Variants in CNGB1 observed in about 807,000 individuals in gnomAD.
CNGB1 encodes the protein cyclic nucleotide gated channel subunit beta 1, also known as cyclic nucleotide-gated channel beta-1.
CNGB1 carries 126 observed loss-of-function variants against 151.7 expected under a neutral mutation model. That is an observed-to-expected ratio of 0.83 (90% CI 0.72 to 0.96). The LOEUF is 0.96. CNGB1 is among the 40% of genes least tolerant of loss of function. The pLI, the probability that CNGB1 is intolerant of heterozygous loss-of-function variation, is 0.00. For missense variants in CNGB1, 1,698 were observed against 1,627.0 expected (o/e 1.04, Z -0.75); for synonymous variants, 623 against 635.1 (o/e 0.98, Z 0.29).
At chr16:57,896,445 T>C (rs1487656219) in intron 31 of CNGB1, among the ~76,000 whole-genome samples, 1 of 152,092 alleles carries the variant, frequency 6.6e-6, no homozygotes, top group Admixed American at 6.5e-5. Context: ...CTGGGTGCAA[T>C]GGCTCACGCC....
At chr16:57,967,477 T>A in intron 1 of CNGB1, 183 bp from the exon 2 acceptor site, 3 of 603,902 alleles carry the variant, frequency 5.0e-6, no homozygotes, top group Non-Finnish European at 8.8e-6. Context: ...GCCGATTGCT[T>A]GAATCCAGGA....
chr16:57,929,946 A>T (rs1961301686), intron 17 of CNGB1, among the ~76,000 whole-genome samples: 1 of 152,212 alleles, frequency 6.6e-6, no homozygotes, highest in Non-Finnish European at 1.5e-5. Context: ...TAAATAAATA[A>T]GACAGAAAAT....
At chr16:57,944,825 A>G (rs113762497) in intron 14 of CNGB1, among the ~76,000 whole-genome samples, 15,457 of 151,622 alleles carry the variant, frequency 0.1, 921 homozygotes, top group Non-Finnish European at 0.13. Context: ...ACAGTGGTAC[A>G]TGCCTGTAAT....
Position 57,943,950 on chromosome 16 carries a change from C to T in CNGB1, c.1122-3629G>A, listed in dbSNP as rs144765952. 1.3e-4 allele frequency among the ~76,000 whole-genome samples: 19 copies of T among 151,836 alleles called. No homozygotes were observed. The East Asian group carries it at 2.3e-3, about 19-fold the overall frequency. On this transcript the variant is annotated intron_variant, in intron 14 of 32. Transcript: ENST00000251102. The stretch of plus-strand genomic sequence containing the variant: ...TTGCCCAGGCTGGAGTGCAATGACG[C>T]GATCTCAGCTCACTGCAACCTCAGC...
intron 23 of CNGB1, among the ~76,000 whole-genome samples, chr16:57,913,197 C>T (rs141977434): frequency 4.6e-4 from 70 of 152,298 alleles, no homozygotes; most frequent in East Asian, 5.8e-4. Flanking sequence ...AGTCATAGCC[C>T]GTCTTCCCTT....
chr16:57,916,648 AC>A (rs2149364414), intron 21 of CNGB1, among the ~76,000 whole-genome samples: 1 of 152,304 alleles, frequency 6.6e-6, no homozygotes, highest in Admixed American at 6.5e-5. Context: ...TTGGAAAGTG[AC>A]CCACACTGGG....
At chr16:57,936,622 G>C (rs552470455) in intron 16 of CNGB1, among the ~76,000 whole-genome samples, 1 of 151,870 alleles carries the variant, frequency 6.6e-6, no homozygotes, top group East Asian at 1.9e-4. Context: ...GCAAAACCCC[G>C]TCTCTACTAA....
At chr16:57,967,417 G>A in intron 1 of CNGB1, 123 bp from the exon 2 acceptor site, 1 of 1,018,574 alleles carries the variant, frequency 9.8e-7, no homozygotes, top group South Asian at 1.4e-5. Context: ...ATTTCGACTG[G>A]GTGCGGTGGC....
chr16:57,904,996 C>T, intron 25 of CNGB1, 121 bp from the exon 26 acceptor site: 1 of 1,296,230 alleles, frequency 7.7e-7, no homozygotes, highest in Non-Finnish European at 1.1e-6. Flanking sequence ...CCCTTTACAG[C>T]TCATCTATGC....
At position 57,967,219 on chromosome 16, in the gene CNGB1, T is replaced by G. The variant is rs770003461; in HGVS notation, c.68A>C (p.Glu23Ala). Residue 23 changes from glutamate to alanine, a missense_variant, in exon 2 of 33, where the codon GAG becomes GCG. Physicochemically the swap from Glu to Ala is moderately radical, Grantham distance 107. Transcript: ENST00000251102. The stretch of plus-strand genomic sequence containing the variant: ...TGGCTCTGGTTCCACTTCCTCTTCC[T>G]CCTGCATCTTGGTCTTCCGAGGGGT... The part of the protein sequence containing the change: ...PGTPRKTKMQ[E>A]EEEVEPEPEM... The G allele has an allele frequency of 8.1e-6, 13 of 1,614,026 alleles. No homozygotes were observed. Among genetic ancestry groups the G allele is most frequent in the Non-Finnish European group, 1.1e-5 (13 of 1,180,034 alleles).
intron 4 of CNGB1, chr16:57,963,901 G>A (rs1466100384): frequency 5.2e-6 from 3 of 580,044 alleles, no homozygotes; most frequent in East Asian, 2.8e-5. Flanking sequence ...ATGCATGACT[G>A]GATTTCCAGC....
Position 57,888,047 on chromosome 16 carries a change from G to C in CNGB1, c.3270C>G (p.Pro1090=). 1 of 1,614,068 alleles carries C rather than the reference G, an allele frequency of 6.2e-7. No homozygotes were observed. The highest frequency in any genetic ancestry group is 1.1e-5 in the South Asian group (1 of 91,076). Residue 1090 remains proline, a synonymous_variant, in exon 32 of 33, where the codon CCC becomes CCG. Coordinates refer to ENST00000251102, the MANE Select transcript of CNGB1 (RefSeq NM_001297.5). ...ARRMLRSNNK[P]KEEKSVLILP... Reference sequence around the variant, plus strand: ...GGATCAGCACGCTCTTCTCCTCCTTGGGCTTATTGTTGCTTCTCAGCATGC... The same window carrying C: ...GGATCAGCACGCTCTTCTCCTCCTTCGGCTTATTGTTGCTTCTCAGCATGC...
intron 16 of CNGB1, among the ~76,000 whole-genome samples, chr16:57,935,540 A>G (rs1160586214): frequency 6.6e-6 from 1 of 152,024 alleles, no homozygotes; most frequent in Non-Finnish European, 1.5e-5. Flanking sequence ...ATTAGCCCGG[A>G]AAGGTGGTGC....
At chr16:57,939,694 G>T in intron 15 of CNGB1, 102 bp from the exon 16 acceptor site, 1 of 1,504,980 alleles carries the variant, frequency 6.6e-7, no homozygotes. Flanking sequence ...CATGGGCCCA[G>T]TTCTGCTTCT....
chr16:57,957,464 T>C (rs1962119110), intron 11 of CNGB1, 87 bp from the exon 12 acceptor site: 2 of 1,134,992 alleles, frequency 1.8e-6, no homozygotes, highest in South Asian at 2.5e-5. Flanking sequence ...GCACGTGACC[T>C]TGACCCACCT....
At chr16:57,937,098 G>C (rs959956011) in intron 16 of CNGB1, 2 of 152,468 alleles carry the variant, frequency 1.3e-5, no homozygotes, top group Non-Finnish European at 2.9e-5. Flanking sequence ...CTACCTAGTT[G>C]GCGGATGGAG....
At chr16:57,931,023 G>A (rs1377183366) in intron 17 of CNGB1, among the ~76,000 whole-genome samples, 1 of 151,836 alleles carries the variant, frequency 6.6e-6, no homozygotes, top group African/African-American at 2.4e-5. Context: ...AAAAGACTTG[G>A]TGAGTTATAA....
At chr16:57,910,195 A>G (rs1244621655) in intron 25 of CNGB1, among the ~76,000 whole-genome samples, 1 of 152,204 alleles carries the variant, frequency 6.6e-6, no homozygotes, top group African/African-American at 2.4e-5. Context: ...CAGCGTTAAC[A>G]TCAACACAGA....
chr16:57,919,125 A>T lies in CNGB1; in HGVS notation c.1931T>A (p.Phe644Tyr). Reference sequence around the variant, plus strand: ...GGTCAGCGGGTCAATGCTCTGGGGAAACTGGTACTTCTTCCAGGGGCGGTG... The same window carrying T: ...GGTCAGCGGGTCAATGCTCTGGGGATACTGGTACTTCTTCCAGGGGCGGTG... ...FKHRPWKKYQFPQSIDPLTNL... is the reference protein window; with the variant it reads ...FKHRPWKKYQYPQSIDPLTNL... Residue 644 changes from phenylalanine to tyrosine, a missense_variant, in exon 20 of 33, where the codon TTT becomes TAT. Transcript: ENST00000251102. 6.2e-7 allele frequency: 1 copy of T among 1,614,168 alleles called. No homozygotes were observed. The highest frequency in any genetic ancestry group is 8.5e-7 in the Non-Finnish European group (1 of 1,180,038).
Sources: gnomAD v4.1 joint callset for allele counts (sites outside exome capture counted in the v4.1 genomes callset) on GRCh38, gnomAD v4.1.1 for gene constraint, MANE v1.5 for transcripts, NCBI Gene and HGNC (gene_info 2026-07-23, HGNC 2026-07-21) for gene names.